Variants in FOXP2 observed in about 807,000 individuals in gnomAD.
FOXP2 encodes the protein forkhead box P2.
In FOXP2, 12 loss-of-function variants were observed where a neutral mutation model predicts 115.8. That is an observed-to-expected ratio of 0.10 (90% confidence interval 0.07 to 0.17). The LOEUF (loss-of-function observed/expected upper bound fraction) is 0.17, where lower values mean the gene tolerates loss of function less well. Among genes scored for constraint, FOXP2 ranks in the 10% least tolerant of loss-of-function variants. FOXP2 has a pLI of 1.00. For missense variants in FOXP2, 629 were observed against 843.5 expected, an observed-to-expected ratio of 0.75 and a Z score of 3.15; for synonymous variants, 328 against 297.7, an observed-to-expected ratio of 1.10 and a Z score of -1.05.
intron 2 of FOXP2, among the ~76,000 whole-genome samples, chr7:114,344,023 G>C (rs528360604): frequency 3.3e-5 from 5 of 151,560 alleles, no homozygotes; most frequent in African/African-American, 9.7e-5. Flanking sequence ...TAGAATATCA[G>C]CAAACAGCAG....
intron 2 of FOXP2, among the ~76,000 whole-genome samples, chr7:114,347,686 T>G (rs1791380533): frequency 6.6e-6 from 1 of 152,056 alleles, no homozygotes; most frequent in South Asian, 2.1e-4. Context: ...TCAATTGCCA[T>G]AGTGTTGACT....
intron 2 of FOXP2, among the ~76,000 whole-genome samples, chr7:114,291,139 T>C (rs1322845535): frequency 6.6e-6 from 1 of 152,166 alleles, no homozygotes; most frequent in African/African-American, 2.4e-5. Context: ...ATTTAATTTC[T>C]CACAGTAATG....
rs191241217 is a variant in FOXP2, at chr7:114,284,988, A to G, written c.-101-3031A>G. Among the ~76,000 whole-genome samples the G allele has an allele frequency of 6.1e-4, 93 of 152,216 alleles. No homozygotes were observed. In the East Asian group the frequency reaches 0.017, roughly 27 times the overall value. On this transcript the variant is annotated intron_variant, in intron 1 of 17. Transcript: ENST00000634411. ...TGGGAGCTAAATGATGAGAACACATAGACGCATAAAGGGGAACAACAGATA... is the reference window on the plus strand; with the variant it reads ...TGGGAGCTAAATGATGAGAACACATGGACGCATAAAGGGGAACAACAGATA...
intron 2 of FOXP2, among the ~76,000 whole-genome samples, chr7:114,371,254 T>TTTC (rs1254238718): frequency 1.3e-5 from 2 of 151,116 alleles, no homozygotes; most frequent in East Asian, 1.9e-4. Flanking sequence ...CTAATTTTTT[T>TTTC]TTTTTTTTTG....
At chr7:114,277,697 A>G (rs550197537) in intron 1 of FOXP2, among the ~76,000 whole-genome samples, 266 of 152,154 alleles carry the variant, frequency 1.7e-3, no homozygotes, top group Non-Finnish European at 3.3e-3. Context: ...CTTATCACTT[A>G]TTGACCTTGA....
At chr7:114,405,315 A>T (rs1391328510) in intron 2 of FOXP2, among the ~76,000 whole-genome samples, 1 of 151,908 alleles carries the variant, frequency 6.6e-6, no homozygotes, top group Non-Finnish European at 1.5e-5. Context: ...ATTCACTTAA[A>T]CGATTTCACA....
Position 114,245,884 on chromosome 7 carries a change from GT to G in FOXP2, c.-101-42134del, listed in dbSNP as rs553107366. Among the ~76,000 whole-genome samples the G allele has an allele frequency of 7.8e-3, 1,184 of 151,890 alleles. 9 individuals are homozygous for G. Among genetic ancestry groups the G allele is most frequent in the Non-Finnish European group, 0.011 (760 of 67,930 alleles). On this transcript the variant is annotated intron_variant, in intron 1 of 17. Coordinates refer to the FOXP2 transcript ENST00000634411. ...GTATTTCATTTTCTGAAATACATTTGTACGAAACTGTACTAAAGAGTTATTG... is the reference window on the plus strand; with the variant it reads ...GTATTTCATTTTCTGAAATACATTTGACGAAACTGTACTAAAGAGTTATTG...
At chr7:114,520,911 CAATT>C (rs1220170663) in intron 2 of FOXP2, among the ~76,000 whole-genome samples, 1 of 152,028 alleles carries the variant, frequency 6.6e-6, no homozygotes, top group Non-Finnish European at 1.5e-5. Context: ...TTTGACCCAA[CAATT>C]AAACTTTTGG....
intron 1 of FOXP2, among the ~76,000 whole-genome samples, chr7:114,098,727 A>G (rs1001364185): frequency 8.5e-5 from 13 of 152,234 alleles, no homozygotes; most frequent in African/African-American, 1.2e-4. Flanking sequence ...TGGGACAACT[A>G]AAAAGCTTTT....
intron 1 of FOXP2, among the ~76,000 whole-genome samples, chr7:114,275,852 C>A (rs1796173266): frequency 6.6e-6 from 1 of 152,168 alleles, no homozygotes; most frequent in African/African-American, 2.4e-5. Flanking sequence ...TTCTATAGTT[C>A]TAGGATTAGG....
intron 3 of FOXP2, among the ~76,000 whole-genome samples, chr7:114,625,695 T>C (rs951848416): frequency 1.3e-5 from 2 of 151,834 alleles, no homozygotes; most frequent in African/African-American, 2.4e-5. Flanking sequence ...AGGCTATGCA[T>C]TTCTCAAATT....
chr7:114,552,756 T>C (rs965281132), intron 3 of FOXP2, among the ~76,000 whole-genome samples: 2 of 152,126 alleles, frequency 1.3e-5, no homozygotes, highest in Non-Finnish European at 2.9e-5. Context: ...TAGAGTACTT[T>C]TCTGTGTGTT....
chr7:114,562,430 C>T (rs779454670), intron 3 of FOXP2, among the ~76,000 whole-genome samples: 29 of 152,162 alleles, frequency 1.9e-4, no homozygotes, highest in Non-Finnish European at 3.8e-4. Flanking sequence ...AGTGACTTCA[C>T]CTTCTACTTC....
chr7:114,124,602 C>G (rs35206350), intron 1 of FOXP2, among the ~76,000 whole-genome samples: 11,871 of 152,068 alleles, frequency 0.078, 963 homozygotes, highest in East Asian at 0.44. Context: ...TATGTTTTAT[C>G]TATTTTTGTC....
intron 3 of FOXP2, among the ~76,000 whole-genome samples, chr7:114,619,759 A>G (rs1804144592): frequency 6.6e-6 from 1 of 152,048 alleles, no homozygotes; most frequent in Non-Finnish European, 1.5e-5. Flanking sequence ...CTGTGAAAGT[A>G]TTGTCCAAAA....
chr7:114,484,129 G>T (rs560325847), intron 2 of FOXP2, among the ~76,000 whole-genome samples: 15 of 151,760 alleles, frequency 9.9e-5, no homozygotes, highest in Non-Finnish European at 1.5e-4. Flanking sequence ...TTTTCAAAAC[G>T]ATCTTTTAAA....
In FOXP2 at chr7:114,195,183, G is replaced by A. The variant is rs148477800; in HGVS notation, c.-102+32095G>A. Among the ~76,000 whole-genome samples, 225 of 152,240 alleles carry A rather than the reference G, an allele frequency of 1.5e-3. 1 individual carries two copies. Among genetic ancestry groups the A allele is most frequent in the African/African-American group, 5.1e-3 (212 of 41,564 alleles). On this transcript the variant is annotated intron_variant, in intron 1 of 17. Transcript: ENST00000634411. The stretch of plus-strand genomic sequence containing the variant: ...GAATATTATAAGGAAAAGCAGAAGT[G>A]CATGAAATATTGGGTGCTTCATTTC...
chr7:114,693,519 A>G lies in FOXP2; in HGVS notation c.*3593A>G, dbSNP rs1429630178. The G allele has an allele frequency of 2.2e-6, 1 of 452,942 alleles. No homozygotes were observed. The highest frequency in any genetic ancestry group is 2.0e-5 in the African/African-American group (1 of 50,064). The allele number at this position is 452,942 out of a possible 1,614,324, so 28.1% of individuals were successfully genotyped here. A position where few individuals can be genotyped will look rare whatever the true frequency, so the allele number is the denominator to read the frequency against. On this transcript the variant is annotated 3_prime_UTR_variant, in exon 17 of 17. Transcript: ENST00000350908. ...GGACAATAGCTTTATTAAGTCTATA[A>G]AGCTATTGAAAGGAACATGGCTTAC...
intron 13 of FOXP2, among the ~76,000 whole-genome samples, chr7:114,660,204 C>G (rs1295142278): frequency 3.3e-5 from 5 of 152,096 alleles, no homozygotes; most frequent in Admixed American, 2.0e-4. Context: ...TTTACTTAGA[C>G]AAAAGGGTTC....
Sources: gnomAD v4.1 joint callset for allele counts (sites outside exome capture counted in the v4.1 genomes callset) on GRCh38, gnomAD v4.1.1 for gene constraint, MANE v1.5 for transcripts, NCBI Gene and HGNC (gene_info 2026-07-23, HGNC 2026-07-21) for gene names.